RARB: variants seen among roughly 807,000 people sequenced by gnomAD.
The protein encoded by RARB is HBV-activated protein.
Under a neutral mutation model 51.9 loss-of-function variants are expected in RARB, and 17 were observed. That is an observed-to-expected ratio of 0.33 (90% CI 0.22 to 0.49). RARB has a LOEUF of 0.49. RARB is among the 20% of genes least tolerant of loss of function. RARB has a pLI of 0.99. For missense variants in RARB, 369 were observed against 550.8 expected (o/e 0.67, Z 3.30); for synonymous variants, 215 against 195.4 (o/e 1.10, Z -0.84).
intron 1 of RARB, among the ~76,000 whole-genome samples, chr3:25,447,689 T>C (rs1403508432): frequency 6.6e-6 from 1 of 152,126 alleles, no homozygotes; most frequent in African/African-American, 2.4e-5. Context: ...GCAGCCTGGA[T>C]TGGGGATTGG....
chr3:25,374,532 G>A (rs1317390627), intron 5 of RARB, among the ~76,000 whole-genome samples: 1 of 152,158 alleles, frequency 6.6e-6, no homozygotes, highest in Admixed American at 6.5e-5. Context: ...CCCCACAGAA[G>A]TTAGTGGCCT....
At chr3:25,226,535 C>T (rs550706347) in intron 5 of RARB, among the ~76,000 whole-genome samples, 2 of 152,138 alleles carry the variant, frequency 1.3e-5, no homozygotes, top group Non-Finnish European at 2.9e-5. Flanking sequence ...AACCTACAAA[C>T]CTGCCAATCC....
At chr3:25,037,245 A>C (rs745954549) in intron 2 of RARB, among the ~76,000 whole-genome samples, 3 of 150,060 alleles carry the variant, frequency 2.0e-5, no homozygotes, top group Non-Finnish European at 4.4e-5. Context: ...CACGTTTTAA[A>C]GGAATTTCAC....
intron 2 of RARB, chr3:25,020,148 A>ATT (rs1559436239): frequency 3.7e-4 from 5 of 13,670 alleles, no homozygotes; most frequent in African/African-American, 1.4e-3. Context: ...TATTATTATT[A>ATT]TTATTATTTT....
At chr3:24,985,361 T>C (rs1337248466) in intron 2 of RARB, among the ~76,000 whole-genome samples, 1 of 151,874 alleles carries the variant, frequency 6.6e-6, no homozygotes, top group Non-Finnish European at 1.5e-5. Context: ...TTTTTTTTTT[T>C]TTTGACAAGA....
intron 5 of RARB, among the ~76,000 whole-genome samples, chr3:25,423,107 A>G (rs1318579355): frequency 6.6e-6 from 1 of 152,156 alleles, no homozygotes; most frequent in African/African-American, 2.4e-5. Flanking sequence ...ATGTTTGCTG[A>G]CCCCGGTTTT....
intron 5 of RARB, among the ~76,000 whole-genome samples, chr3:25,233,161 A>G (rs1702221695): frequency 6.6e-6 from 1 of 151,656 alleles, no homozygotes; most frequent in Admixed American, 6.6e-5. Flanking sequence ...GGGTTTCACC[A>G]TGCTGGCCAG....
chr3:24,838,650 G>C (rs570796243), intron 1 of RARB, among the ~76,000 whole-genome samples: 1 of 152,318 alleles, frequency 6.6e-6, no homozygotes, highest in Non-Finnish European at 1.5e-5. Flanking sequence ...AATTTTATGA[G>C]ATGTGGCCTC....
chr3:24,884,014 G>A (rs891112043), intron 2 of RARB, among the ~76,000 whole-genome samples: 5 of 152,010 alleles, frequency 3.3e-5, no homozygotes, highest in Admixed American at 6.6e-5. Flanking sequence ...CAAGCATCTC[G>A]TCATATACTT....
At position 25,162,512 on chromosome 3, in the gene RARB, C is replaced by T. The variant is rs77381785; in HGVS notation, c.-279-11607C>T. ...TATTCACAAATTTGTGCACCATCAT[C>T]ACAATCTAATTGCAGAATATTTTCA... On this transcript the variant is annotated intron_variant, in intron 4 of 11. Coordinates refer to the RARB transcript ENST00000383772. Among the ~76,000 whole-genome samples, 586 of 152,306 alleles carry T rather than the reference C, an allele frequency of 3.8e-3. 3 individuals carry two copies. The highest frequency in any genetic ancestry group is 0.013 in the African/African-American group (549 of 41,564).
intron 5 of RARB, among the ~76,000 whole-genome samples, chr3:25,311,417 A>G (rs1704285928): frequency 6.6e-6 from 1 of 152,260 alleles, no homozygotes; most frequent in Admixed American, 6.5e-5. Context: ...GGATATCTTC[A>G]TATCCTCCTC....
At chr3:25,521,215 A>T (rs751257633) in intron 3 of RARB, among the ~76,000 whole-genome samples, 10 of 152,128 alleles carry the variant, frequency 6.6e-5, no homozygotes, top group Admixed American at 1.3e-4. Context: ...CAGTGAAGAG[A>T]TCTTTGCTAT....
At chr3:25,456,243 A>T (rs969331046) in intron 1 of RARB, among the ~76,000 whole-genome samples, 2 of 152,250 alleles carry the variant, frequency 1.3e-5, no homozygotes, top group South Asian at 4.1e-4. Context: ...CAGTGAACAG[A>T]TCAATGGCTG....
chr3:25,312,732 T>G (rs1283745466), intron 5 of RARB, among the ~76,000 whole-genome samples: 1 of 152,152 alleles, frequency 6.6e-6, no homozygotes, highest in African/African-American at 2.4e-5. Context: ...AAAATCTAGA[T>G]TTCTAACCTC....
At chr3:25,424,547 A>G (rs1707938697), upstream of RARB, among the ~76,000 whole-genome samples, 1 of 152,010 alleles carries the variant, frequency 6.6e-6, no homozygotes. Flanking sequence ...ATTAACAGGG[A>G]AAAAAAATTA....
chr3:25,442,348 C>T (rs1478325987), intron 1 of RARB, among the ~76,000 whole-genome samples: 1 of 152,078 alleles, frequency 6.6e-6, no homozygotes, highest in African/African-American at 2.4e-5. Flanking sequence ...ATTGGTCAGG[C>T]TGGTCTCGAA....
chr3:25,178,114 C>A (rs921882000), intron 5 of RARB, among the ~76,000 whole-genome samples: 1 of 151,862 alleles, frequency 6.6e-6, no homozygotes, highest in Non-Finnish European at 1.5e-5. Context: ...ACTCACAATT[C>A]GTAGGGGAAG....
chr3:25,434,166 C>T (rs1708326035), intron 1 of RARB, among the ~76,000 whole-genome samples: 2 of 152,256 alleles, frequency 1.3e-5, no homozygotes, highest in South Asian at 4.1e-4. Context: ...CTCTAGGCTT[C>T]CCCCAGCAGC....
rs540892200 is a variant in RARB at position 25,276,217 on chromosome 3, C to G, written c.178+101642C>G. Among the ~76,000 whole-genome samples, 30 of 152,186 alleles carry G rather than the reference C, an allele frequency of 2.0e-4. No homozygotes were observed. The South Asian group carries it at 5.2e-3, about 26-fold the overall frequency. ...TATTCTAACTGGGGTAGTGTGTTAT[C>G]TCTGTGGTTTTGATTTGCATTTCCC... On this transcript the variant is annotated intron_variant, in intron 5 of 11. Transcript: ENST00000383772.
Sources: gnomAD v4.1 joint callset for allele counts (sites outside exome capture counted in the v4.1 genomes callset) on GRCh38, gnomAD v4.1.1 for gene constraint, MANE v1.5 for transcripts, NCBI Gene and HGNC (gene_info 2026-07-23, HGNC 2026-07-21) for gene names.